The following KIAA0232 variants were observed in gnomAD, a reference collection of about 807,000 sequenced individuals.
KIAA0232 encodes uncharacterized protein KIAA0232.
Under a neutral mutation model 122.0 loss-of-function variants are expected in KIAA0232, and 27 were observed. The ratio of observed to expected loss-of-function variants is 0.22; its 90% CI spans 0.16 to 0.31. The LOEUF is 0.31. KIAA0232 is among the 10% of genes least tolerant of loss of function. KIAA0232 has a pLI of 1.00. For missense variants in KIAA0232, 1,551 were observed against 1,634.2 expected, an observed-to-expected ratio of 0.95 and a Z score of 0.88; for synonymous variants, 613 against 587.6, an observed-to-expected ratio of 1.04 and a Z score of -0.63.
intron 1 of KIAA0232, among the ~76,000 whole-genome samples, chr4:6,801,774 A>G (rs563954937): frequency 4.8e-4 from 73 of 152,310 alleles, no homozygotes; most frequent in African/African-American, 1.6e-3. Flanking sequence ...TAGGGTTTTC[A>G]TAAAGTAGAA....
At chr4:6,818,455 C>G (rs1718244810) in intron 2 of KIAA0232, among the ~76,000 whole-genome samples, 1 of 149,936 alleles carries the variant, frequency 6.7e-6, no homozygotes, top group African/African-American at 2.5e-5. Context: ...TTCAGTGATT[C>G]CTTCAAGAGA....
chr4:6,842,953 T>C (rs1238340012), intron 4 of KIAA0232, among the ~76,000 whole-genome samples: 1 of 152,208 alleles, frequency 6.6e-6, no homozygotes, highest in Non-Finnish European at 1.5e-5. Context: ...TGGTCTGTAT[T>C]ATTACATTTG....
At chr4:6,815,635 C>T (rs1718084315) in intron 2 of KIAA0232, among the ~76,000 whole-genome samples, 1 of 152,196 alleles carries the variant, frequency 6.6e-6, no homozygotes, top group African/African-American at 2.4e-5. Flanking sequence ...AAAAGTACTG[C>T]ATAGATGAAT....
chr4:6,784,999 T>A (rs1716551762), intron 1 of KIAA0232, among the ~76,000 whole-genome samples: 1 of 151,000 alleles, frequency 6.6e-6, no homozygotes, highest in Non-Finnish European at 1.5e-5. Context: ...GAGTCCGCGA[T>A]CTCGGCTCAC....
Position 6,861,625 on chromosome 4 carries a change from A to G in KIAA0232, c.1243A>G (p.Ser415Gly), listed in dbSNP as rs1720874537. The change falls in exon 7 of 10, where the codon AGC becomes GGC. Residue 415 changes from serine (S) to glycine (G), a missense_variant. Physicochemically the swap from Ser to Gly is moderately conservative, Grantham distance 56. This residue lies in a region of KIAA0232 where 1,108 missense variants were observed against 1,154.8 expected (regional missense o/e 0.96). Coordinates refer to ENST00000307659, the MANE Select transcript of KIAA0232 (RefSeq NM_014743.3). ...AATTGCTGAATATTTTGTTCCTCTG[A>G]GCAGAAAAAGTAAACTAGAGACCAC... ...EPIAEYFVPL[S>G]RKSKLETTYR... The G allele has an allele frequency of 6.2e-7, 1 of 1,614,096 alleles. No homozygotes were observed. The highest frequency in any genetic ancestry group is 1.7e-5 in the Admixed American group (1 of 60,020).
chr4:6,881,047 A>G lies in KIAA0232; in HGVS notation c.*81A>G, dbSNP rs1461780752. 9.8e-7 allele frequency: 1 copy of G among 1,023,364 alleles called. No homozygotes were observed. The highest frequency in any genetic ancestry group is 1.3e-6 in the Non-Finnish European group (1 of 760,418). The allele number at this position is 1,023,364 out of a possible 1,614,324, so 63.4% of individuals were successfully genotyped here. On this transcript the variant is annotated 3_prime_UTR_variant, in exon 10 of 10. Coordinates refer to ENST00000307659, the MANE Select transcript of KIAA0232 (RefSeq NM_014743.3). ...CTTCAGTGAGACCTGTTAATCTAAAACAACAACTTAGGTTTCCTCTTCAAT... is the reference window on the plus strand; with the variant it reads ...CTTCAGTGAGACCTGTTAATCTAAAGCAACAACTTAGGTTTCCTCTTCAAT...
At chr4:6,823,834 G>A (rs1162272199) in intron 2 of KIAA0232, among the ~76,000 whole-genome samples, 1 of 151,852 alleles carries the variant, frequency 6.6e-6, no homozygotes, top group Admixed American at 6.6e-5. Flanking sequence ...GTTGTTTTAA[G>A]TTTTTTTAAA....
At chr4:6,836,546 CTT>C (rs1173281370) in intron 3 of KIAA0232, among the ~76,000 whole-genome samples, 2 of 82,078 alleles carry the variant, frequency 2.4e-5, no homozygotes, top group Non-Finnish European at 2.7e-5. Flanking sequence ...TTTTTCTTTT[CTT>C]TTTTTTTTTT....
chr4:6,824,754 C>A, intron 3 of KIAA0232, 70 bp downstream of exon 3: 2 of 1,279,946 alleles, frequency 1.6e-6, no homozygotes, highest in Non-Finnish European at 2.2e-6. Flanking sequence ...CTTAAACAAG[C>A]ACTTTTATAC....
intron 3 of KIAA0232, among the ~76,000 whole-genome samples, chr4:6,841,090 A>G (rs1433072636): frequency 6.6e-6 from 1 of 152,202 alleles, no homozygotes. Context: ...TACAGATGTG[A>G]TGTTTCTTAA....
chr4:6,826,947 C>G (rs1718716109), intron 3 of KIAA0232, among the ~76,000 whole-genome samples: 1 of 152,084 alleles, frequency 6.6e-6, no homozygotes, highest in South Asian at 2.1e-4. Flanking sequence ...GGGTTGTGGT[C>G]AGAGATAAGA....
At chr4:6,803,011 C>CAAA (rs746215162) in intron 1 of KIAA0232, among the ~76,000 whole-genome samples, 12 of 48,438 alleles carry the variant, frequency 2.5e-4, no homozygotes, top group African/African-American at 3.2e-4. Context: ...CTGTCTTGAC[C>CAAA]AAAAAAAAAA....
At chr4:6,836,654 T>C (rs1300227659) in intron 3 of KIAA0232, among the ~76,000 whole-genome samples, 1 of 151,484 alleles carries the variant, frequency 6.6e-6, no homozygotes, top group East Asian at 1.9e-4. Context: ...GATAAACATG[T>C]GAACAAAGGT....
Position 6,863,680 on chromosome 4 carries a change from A to G in KIAA0232, c.3298A>G (p.Ile1100Val), listed in dbSNP as rs1721015102. ...TGTTGACAGAACACAATACAGGGCT[A>G]TTCGGATCTCTCCTCGGACTCACTT... ...CGVDRTQYRA[I>V]RISPRTHFRP... The change falls in exon 7 of 10, where the codon ATT (isoleucine) becomes GTT (valine). Residue 1100 changes from isoleucine to valine, a missense_variant. Around this residue, in one of 5 missense-constraint regions of KIAA0232, gnomAD observed 1,108 missense variants for 1,154.8 expected, o/e 0.96. Coordinates refer to ENST00000307659, the MANE Select transcript of KIAA0232 (RefSeq NM_014743.3). The G allele has an allele frequency of 1.9e-6, 3 of 1,614,124 alleles. No individual in the cohort carries two copies. Among genetic ancestry groups the G allele is most frequent in the East Asian group, 2.2e-5 (1 of 44,898 alleles).
chr4:6,818,032 C>G (rs541578226), intron 2 of KIAA0232, among the ~76,000 whole-genome samples: 2 of 152,180 alleles, frequency 1.3e-5, no homozygotes, highest in South Asian at 4.2e-4. Flanking sequence ...TCTCCTTTTA[C>G]TTTTAACCTA....
At chr4:6,793,336 G>A (rs1716990220) in intron 1 of KIAA0232, among the ~76,000 whole-genome samples, 1 of 152,112 alleles carries the variant, frequency 6.6e-6, no homozygotes, top group African/African-American at 2.4e-5. Flanking sequence ...ACTCCATAAT[G>A]GATCACGAAT....
intron 3 of KIAA0232, among the ~76,000 whole-genome samples, chr4:6,828,072 T>A (rs1718785524): frequency 1.3e-5 from 2 of 152,244 alleles, no homozygotes; most frequent in Admixed American, 6.5e-5. Context: ...CTTGGTAATA[T>A]TTTACTGTAA....
intron 2 of KIAA0232, among the ~76,000 whole-genome samples, chr4:6,822,645 T>C (rs949894426): frequency 6.6e-6 from 1 of 152,132 alleles, no homozygotes; most frequent in Non-Finnish European, 1.5e-5. Flanking sequence ...AATAAAGCCA[T>C]TGTTAGATTA....
intron 1 of KIAA0232, among the ~76,000 whole-genome samples, chr4:6,790,918 T>TC (rs1716864514): frequency 1.4e-5 from 2 of 139,196 alleles, no homozygotes; most frequent in African/African-American, 5.5e-5. Flanking sequence ...TTATATACTT[T>TC]TTTTTTTTTT....
Sources: allele counts gnomAD v4.1 joint callset (sites outside exome capture counted in the v4.1 genomes callset), GRCh38; gene constraint gnomAD v4.1.1; regional missense constraint gnomAD v4.1.1; transcripts MANE v1.5; gene names NCBI Gene and HGNC (gene_info 2026-07-23, HGNC 2026-07-21).